RESF1: variants seen among roughly 807,000 people sequenced by gnomAD.
RESF1 encodes retroelement silencing factor 1, also known as gonad expressed transcript.
In RESF1, 65 loss-of-function variants were observed where a neutral mutation model predicts 134.7. The ratio of observed to expected loss-of-function variants is 0.48; its 90% CI spans 0.40 to 0.59. The LOEUF is 0.59. Ranked by LOEUF, RESF1 falls within the 20% of genes least tolerant of loss-of-function variation. The pLI is 0.00. For synonymous variants in RESF1, 762 were observed against 702.2 expected (o/e 1.09, Z -1.35); for missense variants, 2,274 against 2,002.7 (o/e 1.14, Z -2.59).
At chr12:31,991,681 G>A (rs767568838) in intron 5 of RESF1, among the ~76,000 whole-genome samples, 34 of 152,178 alleles carry the variant, frequency 2.2e-4, no homozygotes, top group Admixed American at 2.1e-3. Flanking sequence ...GAGTGCAGTC[G>A]TGTGATATCG....
intron 1 of RESF1, chr12:31,959,817 T>A (rs575431149): frequency 6.6e-6 from 1 of 152,224 alleles, no homozygotes; most frequent in African/African-American, 2.4e-5. Flanking sequence ...TTTCCCTCAT[T>A]GCCTGGCTCT....
chr12:31,981,499 G>A lies in RESF1; in HGVS notation c.544G>A (p.Gly182Arg), dbSNP rs142732528. 1.4e-5 allele frequency: 23 copies of A among 1,613,916 alleles called. No homozygotes were observed. The highest frequency in any genetic ancestry group is 1.9e-5 in the Non-Finnish European group (22 of 1,180,006). The change falls in exon 4 of 6, where the codon GGA (glycine) becomes AGA (arginine). Residue 182 changes from glycine (G) to arginine (R), a missense_variant. Coordinates refer to ENST00000312561, the MANE Select transcript of RESF1 (RefSeq NM_018169.4). ...NSTRLPVAYQ[G>R]NQGLNQSFSE... ...TACACGACTTCCTGTAGCTTACCAA[G>A]GAAATCAGGGACTTAACCAGTCTTT...
At chr12:31,987,182 A>G in intron 4 of RESF1, 57 bp from the exon 5 acceptor site, 1 of 916,354 alleles carries the variant, frequency 1.1e-6, no homozygotes, top group Middle Eastern at 2.2e-4. Context: ...CCTTTGTTAT[A>G]GTACTAAAGG....
chr12:31,989,074 GT>G (rs777748937), intron 5 of RESF1, among the ~76,000 whole-genome samples: 4 of 151,752 alleles, frequency 2.6e-5, no homozygotes, highest in Non-Finnish European at 5.9e-5. Flanking sequence ...GAGCTCAAGA[GT>G]TTTTGTCTTA....
At chr12:31,980,454 G>A (rs919594671) in intron 3 of RESF1, among the ~76,000 whole-genome samples, 1 of 152,178 alleles carries the variant, frequency 6.6e-6, no homozygotes, top group Non-Finnish European at 1.5e-5. Context: ...ACCTTGAATA[G>A]CCCTGGGGAG....
rs541878824 is a variant in RESF1, at chr12:31,960,766, G to A, written c.-341-11G>A. On this transcript the variant is annotated splice_polypyrimidine_tract_variant and intron_variant, in intron 1 of 5. Transcript: ENST00000312561. ...GCTCTTTTATTATAAAATGTTTCTT[G>A]CTGTCCCTAGGACCAAAGAAGTAAA... 6.6e-6 allele frequency: 1 copy of A among 152,260 alleles called. No homozygotes were observed. Among genetic ancestry groups the A allele is most frequent in the South Asian group, 2.1e-4 (1 of 4,828 alleles). The allele number at this position is 152,260 out of a possible 1,614,324, so 9.4% of individuals were successfully genotyped here.
intron 5 of RESF1, among the ~76,000 whole-genome samples, chr12:31,989,022 A>T (rs1260315357): frequency 6.6e-6 from 1 of 151,956 alleles, no homozygotes; most frequent in African/African-American, 2.4e-5. Context: ...GTGGAGTGAA[A>T]GTACCTTGTT....
intron 3 of RESF1, among the ~76,000 whole-genome samples, chr12:31,976,512 T>C (rs11613886): frequency 0.26 from 39,506 of 151,860 alleles, 5,349 homozygotes; most frequent in African/African-American, 0.33. Context: ...GGTGAAACCC[T>C]GTCTCTACTA....
rs1939819227 is a variant in RESF1, at chr12:31,982,350, A to G, written c.1395A>G (p.Ala465=). ...PQITPVMPEN[A]ERQTPTVVES... Reference sequence around the variant, plus strand: ...TAACTCCAGTAATGCCAGAGAATGCAGAGAGACAAACACCAACAGTAGTGG... The same window carrying G: ...TAACTCCAGTAATGCCAGAGAATGCGGAGAGACAAACACCAACAGTAGTGG... The change falls in exon 4 of 6, where the codon GCA becomes GCG. Residue 465 remains alanine (A), a synonymous_variant. Coordinates refer to ENST00000312561, the MANE Select transcript of RESF1 (RefSeq NM_018169.4). 2 of 1,614,070 alleles carry G rather than the reference A, an allele frequency of 1.2e-6. No homozygotes were observed. The highest frequency in any genetic ancestry group is 1.1e-5 in the South Asian group (1 of 91,084).
chr12:31,984,153 T>C lies in RESF1; in HGVS notation c.3198T>C (p.Ile1066=), dbSNP rs367904075. 4.0e-5 allele frequency: 64 copies of C among 1,612,726 alleles called. No individual in the cohort carries two copies. The African/African-American group carries it at 7.2e-4, about 18-fold the overall frequency. The change falls in exon 4 of 6, where the codon ATT becomes ATC. Residue 1066 remains isoleucine (I), a synonymous_variant. Coordinates refer to ENST00000312561, the MANE Select transcript of RESF1 (RefSeq NM_018169.4). The part of the protein sequence containing the change: ...SELLKEFPYG[I]EAVNTREGSV... ...TTCTAAAAGAGTTTCCTTATGGCAT[T>C]GAGGCTGTGAATACACGTGAAGGTT...
rs781524305 is a variant in RESF1 at position 31,985,411 on chromosome 12, GTGCAGGT to G, written c.4459_4465del (p.Gln1487LysfsTer21). On this transcript the variant is annotated frameshift_variant, in exon 4 of 6. Coordinates refer to ENST00000312561, the MANE Select transcript of RESF1 (RefSeq NM_018169.4). LOFTEE classifies it high-confidence loss of function. ...ACATATGAGACCAAGTAAACTTGCCGTGCAGGTTGAAAGTTGTGGGAAATCAAATGAG... is the reference window on the plus strand; with the variant it reads ...ACATATGAGACCAAGTAAACTTGCCGTGAAAGTTGTGGGAAATCAAATGAG... The G allele has an allele frequency of 6.2e-7, 1 of 1,605,654 alleles. No individual in the cohort carries two copies. Among genetic ancestry groups the G allele is most frequent in the East Asian group, 2.2e-5 (1 of 44,834 alleles).
intron 2 of RESF1, among the ~76,000 whole-genome samples, chr12:31,965,733 A>T (rs1939384547): frequency 6.6e-6 from 1 of 152,176 alleles, no homozygotes; most frequent in Admixed American, 6.5e-5. Context: ...TCTACTAAAA[A>T]TACAAAAATT....
At chr12:31,969,414 G>A (rs1403445826) in intron 2 of RESF1, among the ~76,000 whole-genome samples, 1 of 152,190 alleles carries the variant, frequency 6.6e-6, no homozygotes, top group Admixed American at 6.5e-5. Context: ...TGTGGTGAGA[G>A]AATTGCTTGA....
At chr12:31,975,599 T>G (rs1353209537) in intron 3 of RESF1, among the ~76,000 whole-genome samples, 3 of 152,212 alleles carry the variant, frequency 2.0e-5, no homozygotes, top group Admixed American at 1.3e-4. Context: ...TGTGTGTAAG[T>G]ATCACCCTGG....
At chr12:31,987,365 C>CT in intron 5 of RESF1, 43 bp downstream of exon 5, 2 of 1,059,748 alleles carry the variant, frequency 1.9e-6, no homozygotes, top group African/African-American at 3.2e-5. Context: ...ATCTCCCTAT[C>CT]TGGTATATGG....
chr12:31,974,157 C>T (rs1232982993), intron 3 of RESF1, among the ~76,000 whole-genome samples: 1 of 151,756 alleles, frequency 6.6e-6, no homozygotes, highest in Non-Finnish European at 1.5e-5. Flanking sequence ...TCCATGCCCT[C>T]TCCAGGTGCT....
rs1939765345 is a variant in RESF1 at position 31,980,894 on chromosome 12, CAACTGACTTGTAACTGACTTAT to C, written c.-48_-27del. ...TTCTTACAGATTCCTGACATTCAGACAACTGACTTGTAACTGACTTATAACTGACTTGTAATACACTGCTACT... is the reference window on the plus strand; with the variant it reads ...TTCTTACAGATTCCTGACATTCAGACAACTGACTTGTAATACACTGCTACT... On this transcript the variant is annotated 5_prime_UTR_variant, in exon 4 of 6. It removes the in-frame stop codon of an upstream open reading frame in the 5' UTR. Transcript: ENST00000312561. 8 of 1,219,760 alleles carry C rather than the reference CAACTGACTTGTAACTGACTTAT, an allele frequency of 6.6e-6. No homozygotes were observed. Among genetic ancestry groups the C allele is most frequent in the Non-Finnish European group, 9.2e-6 (8 of 870,838 alleles). The allele number at this position is 1,219,760 out of a possible 1,614,324, so 75.6% of individuals were successfully genotyped here. A position where few individuals can be genotyped will look rare whatever the true frequency, so the allele number is the denominator to read the frequency against.
In RESF1 at chr12:31,981,514, A is replaced by C; in HGVS notation, c.559A>C (p.Asn187His). ...PVAYQGNQGL[N>H]QSFSEQQVDW... ...AGCTTACCAAGGAAATCAGGGACTTAACCAGTCTTTTTCAGAGCAACAGGT... is the reference window on the plus strand; with the variant it reads ...AGCTTACCAAGGAAATCAGGGACTTCACCAGTCTTTTTCAGAGCAACAGGT... Residue 187 changes from asparagine to histidine, a missense_variant, in exon 4 of 6, where the codon AAC (asparagine) becomes CAC (histidine). Physicochemically the swap from Asn to His is moderately conservative, Grantham distance 68. Transcript: ENST00000312561. The C allele has an allele frequency of 6.2e-7, 1 of 1,614,034 alleles. No homozygotes were observed. Among genetic ancestry groups the C allele is most frequent in the African/African-American group, 1.3e-5 (1 of 75,054 alleles).
intron 5 of RESF1, among the ~76,000 whole-genome samples, chr12:31,988,015 A>T (rs559513852): frequency 6.6e-6 from 1 of 152,206 alleles, no homozygotes; most frequent in African/African-American, 2.4e-5. Flanking sequence ...GATTACAGAC[A>T]TGAGACACCG....
Sources: allele counts gnomAD v4.1 joint callset (sites outside exome capture counted in the v4.1 genomes callset), GRCh38; gene constraint gnomAD v4.1.1; transcripts MANE v1.5; gene names NCBI Gene and HGNC (gene_info 2026-07-23, HGNC 2026-07-21).